Variants in UGT2B11 observed in about 807,000 individuals in gnomAD.
UGT2B11 encodes the protein UDP glucuronosyltransferase family 2 member B11.
Under a neutral mutation model 51.7 loss-of-function variants are expected in UGT2B11, and 49 were observed. That is an observed-to-expected ratio of 0.95 (90% CI 0.75 to 1.20). The LOEUF is 1.20. Ranked by LOEUF, UGT2B11 falls within the 50% of genes most tolerant of loss-of-function variation. UGT2B11 has a pLI of 0.00. For missense variants in UGT2B11, 810 were observed against 622.1 expected, an observed-to-expected ratio of 1.30 and a Z score of -3.21; for synonymous variants, 273 against 209.0, an observed-to-expected ratio of 1.31 and a Z score of -2.64.
intron 3 of UGT2B11, among the ~76,000 whole-genome samples, chr4:69,206,726 A>G (rs942263225): frequency 1.2e-3 from 176 of 151,738 alleles, no homozygotes; most frequent in African/African-American, 4.1e-3. Flanking sequence ...GTGTAATAAA[A>G]CAGTTACTAT....
In UGT2B11 at chr4:69,200,668, T is replaced by G. The variant is rs1477822702; in HGVS notation, c.1362A>C (p.Val454=). ...AGAAGACTGCTCGATCCAGGGGCTT[T>G]ACTGGTTGATCATGTTGAATTCTTG... is the stretch of plus-strand genomic sequence containing the variant. The part of the protein sequence containing the change: ...KLSRIQHDQP[V]KPLDRAVFWI... The change falls in exon 6 of 6, where the codon GTA becomes GTC. Residue 454 remains valine, a synonymous_variant. Coordinates refer to ENST00000446444, the MANE Select transcript of UGT2B11 (RefSeq NM_001073.3). 2 of 1,612,152 alleles carry G rather than the reference T, an allele frequency of 1.2e-6. No homozygotes were observed. The highest frequency in any genetic ancestry group is 1.7e-6 in the Non-Finnish European group (2 of 1,178,788).
At chr4:69,216,548 C>G (rs12500268), upstream of UGT2B11, 1 of 150,946 alleles carries the variant, frequency 6.6e-6, no homozygotes, top group African/African-American at 2.4e-5. Context: ...GACTGTATTT[C>G]ATCGGCCACA....
At position 69,204,547 on chromosome 4, in the gene UGT2B11, T is replaced by C; in HGVS notation, c.1193A>G (p.Asp398Gly). ...CATGTGAGCAATGTTATCAGGTTGA[T>C]CAAAAAACAATGGAATGCCCACCAT... ...IPMVGIPLFF[D>G]QPDNIAHMKA... Residue 398 changes from aspartate (D) to glycine (G), a missense_variant, in exon 5 of 6, where the codon GAT becomes GGT. By Grantham distance (94) the Asp-to-Gly change is moderately conservative. Coordinates refer to ENST00000446444, the MANE Select transcript of UGT2B11 (RefSeq NM_001073.3). 1 of 1,612,318 alleles carries C rather than the reference T, an allele frequency of 6.2e-7. No homozygotes were observed. Among genetic ancestry groups the C allele is most frequent in the South Asian group, 1.1e-5 (1 of 91,048 alleles).
the UGT2B11 span, among the ~76,000 whole-genome samples, chr4:69,219,855 C>A: frequency 1.3e-5 from 2 of 152,108 alleles, no homozygotes; most frequent in African/African-American, 4.8e-5. Flanking sequence ...ACAGCCAAAT[C>A]ATATCATTCT....
chr4:69,212,073 A>G (rs1291145858), intron 2 of UGT2B11, among the ~76,000 whole-genome samples: 4 of 151,548 alleles, frequency 2.6e-5, no homozygotes, highest in East Asian at 1.9e-4. Context: ...ACTAATCAGT[A>G]ACTCCAGGAT....
rs1179504387 is a variant in UGT2B11, at chr4:69,204,416, A to C, written c.1310+14T>G. On this transcript the variant is annotated intron_variant, in intron 5 of 5. Coordinates refer to ENST00000446444, the MANE Select transcript of UGT2B11 (RefSeq NM_001073.3). Reference sequence around the variant, plus strand: ...CCACAAATACCACCTAGTGAAAAACATTGTTCTACTCACAAAGGATCATTA... The same window carrying C: ...CCACAAATACCACCTAGTGAAAAACCTTGTTCTACTCACAAAGGATCATTA... 2 of 1,610,836 alleles carry C rather than the reference A, an allele frequency of 1.2e-6. No individual in the cohort carries two copies.
chr4:69,202,931 T>A (rs1466459737), intron 5 of UGT2B11, among the ~76,000 whole-genome samples: 2 of 151,574 alleles, frequency 1.3e-5, no homozygotes. Flanking sequence ...TTATTGAGAG[T>A]AGTTATAAAT....
rs1722213242 is a variant in UGT2B11 at position 69,214,745 on chromosome 4, T to C, written c.-23A>G. On this transcript the variant is annotated 5_prime_UTR_variant, in exon 1 of 6. Coordinates refer to ENST00000446444, the MANE Select transcript of UGT2B11 (RefSeq NM_001073.3). Reference sequence around the variant, plus strand: ...CATCCTGGTGCAATGCGATCATTCTTTTCCAGTCACTGTTTCTTTCTCATA... The same window carrying C: ...CATCCTGGTGCAATGCGATCATTCTCTTCCAGTCACTGTTTCTTTCTCATA... The C allele has an allele frequency of 1.1e-5, 18 of 1,603,724 alleles. No homozygotes were observed. Among genetic ancestry groups the C allele is most frequent in the Admixed American group, 1.7e-5 (1 of 58,066 alleles).
intron 3 of UGT2B11, among the ~76,000 whole-genome samples, chr4:69,208,120 T>C (rs2109947360): frequency 6.6e-6 from 1 of 151,614 alleles, no homozygotes; most frequent in South Asian, 2.1e-4. Flanking sequence ...CCACTGATAC[T>C]AATAGGAGCC....
chr4:69,209,497 T>A (rs1721979495), intron 2 of UGT2B11, among the ~76,000 whole-genome samples: 1 of 151,772 alleles, frequency 6.6e-6, no homozygotes, highest in Non-Finnish European at 1.5e-5. Flanking sequence ...TTCCCCAATG[T>A]ATACCAATAT....
chr4:69,220,651 A>T, the UGT2B11 span, among the ~76,000 whole-genome samples: 72 of 151,412 alleles, frequency 4.8e-4, no homozygotes, highest in Non-Finnish European at 9.7e-4. Flanking sequence ...AGGCCTACAA[A>T]AGGGAGGAGC....
At chr4:69,203,133 C>T (rs533307507) in intron 5 of UGT2B11, among the ~76,000 whole-genome samples, 2 of 151,204 alleles carry the variant, frequency 1.3e-5, no homozygotes, top group African/African-American at 2.4e-5. Flanking sequence ...CTGATTTGTC[C>T]CATAATATAT....
At chr4:69,213,206 AC>A (rs1240228113) in intron 1 of UGT2B11, among the ~76,000 whole-genome samples, 3 of 151,694 alleles carry the variant, frequency 2.0e-5, no homozygotes, top group African/African-American at 7.2e-5. Flanking sequence ...AAATCCTGGT[AC>A]CAACTATTCA....
intron 3 of UGT2B11, among the ~76,000 whole-genome samples, chr4:69,206,897 A>T (rs190333107): frequency 2.1e-3 from 322 of 151,692 alleles, no homozygotes; most frequent in Non-Finnish European, 3.6e-3. Flanking sequence ...CCTTTGATTG[A>T]CAAAATAGCA....
upstream of UGT2B11, chr4:69,216,329 A>G (rs1722273993): frequency 6.6e-6 from 1 of 152,088 alleles, no homozygotes; most frequent in African/African-American, 2.4e-5. Context: ...TATGCCAACA[A>G]TGTACTCTTT....
chr4:69,218,373 T>C (rs1001721056), upstream of UGT2B11, among the ~76,000 whole-genome samples: 50 of 152,086 alleles, frequency 3.3e-4, no homozygotes, highest in Admixed American at 1.3e-3. Context: ...ATGTGATAAT[T>C]TAAATTTTTC....
intron 5 of UGT2B11, 26 bp from the exon 6 acceptor site, chr4:69,200,745 A>G (rs1400800076): frequency 6.3e-7 from 1 of 1,585,074 alleles, no homozygotes; most frequent in African/African-American, 1.4e-5. Context: ...AAGGATACCA[A>G]CACTGAAAGT....
In UGT2B11 at chr4:69,214,001, C is replaced by T. The variant is rs751178532; in HGVS notation, c.721+1G>A. On this transcript the variant is annotated splice_donor_variant, in intron 1 of 5. Transcript: ENST00000446444. LOFTEE classifies it high-confidence loss of function. ...ACGTTACCGATTAAACAAATTCTTA[C>T]CTAAAACTTCACTGTAAAACTGATC... 1.9e-6 allele frequency: 3 copies of T among 1,557,708 alleles called. No homozygotes were observed. The highest frequency in any genetic ancestry group is 2.6e-6 in the Non-Finnish European group (3 of 1,156,128).
At chr4:69,201,490 A>G (rs1014009250) in intron 5 of UGT2B11, among the ~76,000 whole-genome samples, 1 of 151,822 alleles carries the variant, frequency 6.6e-6, no homozygotes, top group African/African-American at 2.4e-5. Flanking sequence ...ACATCGTAAG[A>G]CACTGGCAAG....
Sources: gnomAD v4.1 joint callset for allele counts (sites outside exome capture counted in the v4.1 genomes callset) on GRCh38, gnomAD v4.1.1 for gene constraint, MANE v1.5 for transcripts, NCBI Gene and HGNC (gene_info 2026-07-23, HGNC 2026-07-21) for gene names.